Variants in GPC5 observed in about 807,000 individuals in gnomAD.
The protein encoded by GPC5 is glypican 5.
In GPC5, 47 loss-of-function variants were observed where a neutral mutation model predicts 53.9. The ratio of observed to expected loss-of-function variants is 0.87; its 90% CI spans 0.69 to 1.11. The LOEUF (loss-of-function observed/expected upper bound fraction) is 1.11. Ranked by LOEUF, GPC5 falls within the 50% of genes most tolerant of loss-of-function variation. GPC5 has a pLI of 0.00. For synonymous variants in GPC5, 286 were observed against 263.3 expected, an observed-to-expected ratio of 1.09 and a Z score of -0.84; for missense variants, 748 against 713.1, an observed-to-expected ratio of 1.05 and a Z score of -0.56.
chr13:91,885,093 G>C (rs1470906974), intron 5 of GPC5, among the ~76,000 whole-genome samples: 1 of 152,064 alleles, frequency 6.6e-6, no homozygotes, highest in African/African-American at 2.4e-5. Context: ...CCCCTTGCAG[G>C]ATTTTGGCTT....
At chr13:91,989,857 C>T (rs936512198) in intron 6 of GPC5, among the ~76,000 whole-genome samples, 3 of 143,238 alleles carry the variant, frequency 2.1e-5, no homozygotes, top group Non-Finnish European at 4.6e-5. Context: ...ACAGTTATTA[C>T]TCTAATTTAA....
At chr13:92,283,144 A>C (rs1261923545) in intron 7 of GPC5, among the ~76,000 whole-genome samples, 1 of 152,248 alleles carries the variant, frequency 6.6e-6, no homozygotes, top group East Asian at 1.9e-4. Context: ...AGAGACAATG[A>C]AGGCCATTAC....
chr13:91,731,691 A>G (rs1479448357), intron 4 of GPC5, among the ~76,000 whole-genome samples: 1 of 151,354 alleles, frequency 6.6e-6, no homozygotes, highest in Non-Finnish European at 1.5e-5. Flanking sequence ...CTTGCTCCCC[A>G]CCCCGACTGG....
chr13:91,563,833 T>C (rs1228488319), intron 2 of GPC5, among the ~76,000 whole-genome samples: 1 of 151,974 alleles, frequency 6.6e-6, no homozygotes, highest in Admixed American at 6.6e-5. Flanking sequence ...AGGACCCTCT[T>C]CTCTCTGACC....
chr13:92,615,542 A>C (rs1204849686), intron 7 of GPC5, among the ~76,000 whole-genome samples: 1 of 152,206 alleles, frequency 6.6e-6, no homozygotes, highest in Non-Finnish European at 1.5e-5. Flanking sequence ...CATTGGCATT[A>C]AGAAGTTATA....
chr13:91,609,884 G>A (rs1221569719), intron 2 of GPC5, among the ~76,000 whole-genome samples: 2 of 152,132 alleles, frequency 1.3e-5, no homozygotes, highest in East Asian at 1.9e-4. Context: ...CAGTACATTC[G>A]GCCTGAGAAT....
At chr13:91,404,066 C>G (rs1180772142) in intron 1 of GPC5, among the ~76,000 whole-genome samples, 1 of 152,180 alleles carries the variant, frequency 6.6e-6, no homozygotes, top group Admixed American at 6.5e-5. Flanking sequence ...CTTATCACCC[C>G]CCAATCCCTA....
chr13:91,844,544 A>G (rs2038826519), intron 5 of GPC5, among the ~76,000 whole-genome samples: 1 of 152,180 alleles, frequency 6.6e-6, no homozygotes, highest in Non-Finnish European at 1.5e-5. Context: ...ATGGCTATGA[A>G]CAAACTCTGC....
chr13:92,284,722 G>C (rs2042941287), intron 7 of GPC5, among the ~76,000 whole-genome samples: 1 of 152,080 alleles, frequency 6.6e-6, no homozygotes. Context: ...GAACAAATTA[G>C]GTGTTGATGA....
chr13:92,195,558 C>T (rs75913440), intron 7 of GPC5, among the ~76,000 whole-genome samples: 4,204 of 152,154 alleles, frequency 0.028, 198 homozygotes, highest in African/African-American at 0.095. Context: ...TGCATTCCCA[C>T]TCATATGCTT....
At chr13:92,377,096 T>C (rs763314302) in intron 7 of GPC5, among the ~76,000 whole-genome samples, 1 of 152,164 alleles carries the variant, frequency 6.6e-6, no homozygotes, top group East Asian at 1.9e-4. Flanking sequence ...CTTTCAAACC[T>C]TAGTTCCTGA....
intron 2 of GPC5, among the ~76,000 whole-genome samples, chr13:91,532,496 C>T (rs1425395584): frequency 6.6e-6 from 1 of 152,064 alleles, no homozygotes; most frequent in African/African-American, 2.4e-5. Flanking sequence ...AGTTGTTTCA[C>T]AATCTGCTTT....
intron 2 of GPC5, among the ~76,000 whole-genome samples, chr13:91,577,792 A>T (rs540208894): frequency 6.6e-6 from 1 of 152,318 alleles, no homozygotes; most frequent in Admixed American, 6.5e-5. Context: ...TCTTTTTCAT[A>T]GTCTCCTGAC....
chr13:91,807,465 A>G (rs1472003977), intron 5 of GPC5, among the ~76,000 whole-genome samples: 4 of 152,192 alleles, frequency 2.6e-5, no homozygotes, highest in South Asian at 2.1e-4. Context: ...AATGTCCCCA[A>G]TCAAATGTTA....
intron 2 of GPC5, among the ~76,000 whole-genome samples, chr13:91,561,396 A>C (rs904496413): frequency 6.6e-6 from 1 of 152,156 alleles, no homozygotes; most frequent in Non-Finnish European, 1.5e-5. Context: ...TGTCAATGCC[A>C]TTATCAAAGA....
intron 7 of GPC5, among the ~76,000 whole-genome samples, chr13:92,593,319 G>T (rs914730112): frequency 6.6e-6 from 1 of 151,244 alleles, no homozygotes; most frequent in African/African-American, 2.4e-5. Flanking sequence ...TGAAGGCAGG[G>T]AGTAAGGAGA....
intron 7 of GPC5, among the ~76,000 whole-genome samples, chr13:92,852,083 G>A (rs138465460): frequency 6.6e-6 from 1 of 152,216 alleles, no homozygotes; most frequent in East Asian, 1.9e-4. Flanking sequence ...AGGAAGTCCA[G>A]AGGCATCAGG....
At chr13:92,649,957 C>T (rs577068663) in intron 7 of GPC5, among the ~76,000 whole-genome samples, 1 of 152,210 alleles carries the variant, frequency 6.6e-6, no homozygotes, top group East Asian at 1.9e-4. Context: ...GAAATATTCA[C>T]AATTGATGGA....
chr13:92,645,269 C>G (rs1412334586), intron 7 of GPC5, among the ~76,000 whole-genome samples: 1 of 152,108 alleles, frequency 6.6e-6, no homozygotes, highest in Non-Finnish European at 1.5e-5. Flanking sequence ...CCTCAGCCTC[C>G]CAAGTAGCTG....
Sources: allele counts gnomAD v4.1 joint callset (sites outside exome capture counted in the v4.1 genomes callset), GRCh38; gene constraint gnomAD v4.1.1; transcripts MANE v1.5; gene names NCBI Gene and HGNC (gene_info 2026-07-23, HGNC 2026-07-21).